Variants in CCT5 observed in about 807,000 individuals in gnomAD.
CCT5 encodes chaperonin containing TCP1 subunit 5, also known as T-complex protein 1 subunit epsilon.
In CCT5, 6 loss-of-function variants were observed where a neutral mutation model predicts 55.0. The observed-to-expected ratio is 0.11, with a 90% CI of 0.06 to 0.22. The LOEUF is 0.22. CCT5 is among the 10% of genes least tolerant of loss of function. CCT5 has a pLI of 1.00. For synonymous variants in CCT5, 231 were observed against 243.7 expected, an observed-to-expected ratio of 0.95 and a Z score of 0.49; for missense variants, 560 against 694.6, an observed-to-expected ratio of 0.81 and a Z score of 2.18.
intron 9 of CCT5, among the ~76,000 whole-genome samples, chr5:10,262,832 C>T (rs1354898452): frequency 1.3e-5 from 2 of 152,158 alleles, no homozygotes; most frequent in Non-Finnish European, 2.9e-5. Context: ...CCAGTTCGTC[C>T]TTGAAATAAT....
rs1745971441 is a variant in CCT5, at chr5:10,261,717, C to T, written c.1151C>T (p.Thr384Ile). 1.2e-6 allele frequency: 2 copies of T among 1,613,938 alleles called. No individual in the cohort carries two copies. Among genetic ancestry groups the T allele is most frequent in the Non-Finnish European group, 1.7e-6 (2 of 1,179,908 alleles). Residue 384 changes from threonine to isoleucine, a missense_variant, in exon 8 of 11, where the codon ACC becomes ATC. Thr to Ile is a moderately conservative substitution (Grantham distance 89, BLOSUM62 -1). Transcript: ENST00000280326. ...CAGTGTAAGAACTCCAGAGCTGTAA[C>T]CATTTTTATTAGAGGAGGAAATAAG... ...IEQCKNSRAV[T>I]IFIRGGNKMI...
Position 10,254,223 on chromosome 5 carries a change from C to T in CCT5, c.166+18C>T, listed in dbSNP as rs369064257. 21 of 1,534,802 alleles carry T rather than the reference C, an allele frequency of 1.4e-5. No individual in the cohort carries two copies. The highest frequency in any genetic ancestry group is 6.7e-5 in the East Asian group (3 of 44,478). On this transcript the variant is annotated intron_variant, in intron 2 of 10. Coordinates refer to ENST00000280326, the MANE Select transcript of CCT5 (RefSeq NM_012073.5). ...ACCAAATGGTAAGAGTCCACCATTC[C>T]GTGTTTTTTAGCAAAAGATTTAAAT...
intron 4 of CCT5, 169 bp from the exon 5 acceptor site, chr5:10,257,942 T>C (rs1745764167): frequency 1.4e-6 from 1 of 710,014 alleles, no homozygotes; most frequent in African/African-American, 1.8e-5. Flanking sequence ...GGATCACAGG[T>C]TAAGAATCTG....
intron 8 of CCT5, 140 bp from the exon 9 acceptor site, chr5:10,262,341 G>A: frequency 1.1e-6 from 1 of 942,734 alleles, no homozygotes; most frequent in Non-Finnish European, 1.7e-6. Context: ...AGGAAAGCTA[G>A]AAAGATAAAT....
intron 4 of CCT5, 88 bp downstream of exon 4, chr5:10,256,241 G>A (rs975726533): frequency 2.6e-6 from 3 of 1,137,938 alleles, no homozygotes; most frequent in Non-Finnish European, 3.9e-6. Context: ...ATGACCACTG[G>A]TGGATTTGTA....
intron 4 of CCT5, among the ~76,000 whole-genome samples, chr5:10,256,852 A>C (rs534971338): frequency 2.6e-5 from 4 of 152,174 alleles, no homozygotes; most frequent in African/African-American, 9.7e-5. Context: ...GAGAGTCTTG[A>C]AAGCGACTTG....
intron 6 of CCT5, among the ~76,000 whole-genome samples, chr5:10,260,237 C>T (rs1745892938): frequency 6.6e-6 from 1 of 152,142 alleles, no homozygotes; most frequent in Non-Finnish European, 1.5e-5. Flanking sequence ...GATCGTTGCC[C>T]TCCTAATTGG....
At position 10,266,291 on chromosome 5, in the gene CCT5, T is replaced by C. The variant is rs1489712410; in HGVS notation, c.*1508T>C. ...GAACCTCACAGACGTTCCTGTTTTT[T>C]GTGATTGAGAAACTGGTCAATGAAC... On this transcript the variant is annotated 3_prime_UTR_variant, in exon 11 of 11. Transcript: ENST00000280326. 1 of 152,234 alleles carries C rather than the reference T, an allele frequency of 6.6e-6. No homozygotes were observed. The highest frequency in any genetic ancestry group is 1.9e-4 in the East Asian group (1 of 5,200). 9.4% of individuals were successfully genotyped at this position (152,234 alleles called of 1,614,324 possible).
chr5:10,262,423 T>G, intron 8 of CCT5, 58 bp from the exon 9 acceptor site: 1 of 1,599,492 alleles, frequency 6.3e-7, no homozygotes, highest in Admixed American at 1.7e-5. Flanking sequence ...GCCAGATACT[T>G]GGCTCTAAAT....
Position 10,256,116 on chromosome 5 carries a change from C to A in CCT5, c.493C>A (p.Leu165Met), listed in dbSNP as rs535045917. ...VLVDIKDTEPLIQTAKTTLGS... is the reference protein window; with the variant it reads ...VLVDIKDTEPMIQTAKTTLGS... ...TGTTGACATAAAGGACACCGAACCC[C>A]TGATTCAGACAGCAAAAACCACGCT... is the stretch of plus-strand genomic sequence containing the variant. The change falls in exon 4 of 11, where the codon CTG (leucine) becomes ATG (methionine). Residue 165 changes from leucine (L) to methionine (M), a missense_variant. Leu to Met is a conservative substitution (Grantham distance 15). This residue lies in a region of CCT5 where 52 missense variants were observed against 35.3 expected (regional missense o/e 1.47). Coordinates refer to ENST00000280326, the MANE Select transcript of CCT5 (RefSeq NM_012073.5). 18 of 1,613,738 alleles carry A rather than the reference C, an allele frequency of 1.1e-5. No homozygotes were observed. Among genetic ancestry groups the A allele is most frequent in the Non-Finnish European group, 1.5e-5 (18 of 1,179,862 alleles).
intron 1 of CCT5, 128 bp downstream of exon 1, chr5:10,250,573 C>T (rs910437166): frequency 3.1e-5 from 46 of 1,505,502 alleles, no homozygotes; most frequent in African/African-American, 4.2e-5. Context: ...CTCCGTCTCC[C>T]TGCGGTCTCC....
At chr5:10,255,690 C>A (rs1436036274) in intron 3 of CCT5, among the ~76,000 whole-genome samples, 1 of 152,070 alleles carries the variant, frequency 6.6e-6, no homozygotes, top group Non-Finnish European at 1.5e-5. Context: ...GAAAAATGTT[C>A]TTTTTACATT....
rs1357470909 is a variant in CCT5 at position 10,262,583 on chromosome 5, T to A, written c.1282T>A (p.Ser428Thr). The A allele has an allele frequency of 6.2e-7, 1 of 1,614,260 alleles. No individual in the cohort carries two copies. The highest frequency in any genetic ancestry group is 8.5e-7 in the Non-Finnish European group (1 of 1,180,050). Residue 428 changes from serine to threonine, a missense_variant, in exon 9 of 11, where the codon TCC becomes ACC. This residue lies in a region of CCT5 where 256 missense variants were observed against 372.4 expected (regional missense o/e 0.69). Transcript: ENST00000280326. ...VVYGGGAAEI[S>T]CALAVSQEAD... is the part of the protein sequence containing the mutation. ...GTATGGAGGAGGGGCTGCTGAGATATCCTGTGCCCTGGCAGTTAGCCAAGA... is the reference window on the plus strand; with the variant it reads ...GTATGGAGGAGGGGCTGCTGAGATAACCTGTGCCCTGGCAGTTAGCCAAGA...
At chr5:10,254,265 T>C (rs1353851497) in intron 2 of CCT5, 60 bp downstream of exon 2, 9 of 1,175,472 alleles carry the variant, frequency 7.7e-6, no homozygotes, top group Non-Finnish European at 1.1e-5. Flanking sequence ...ACTGTCAATA[T>C]AAACCTCTCT....
intron 4 of CCT5, among the ~76,000 whole-genome samples, chr5:10,257,509 C>G (rs747371246): frequency 3.3e-5 from 5 of 152,178 alleles, no homozygotes; most frequent in African/African-American, 4.8e-5. Flanking sequence ...GACATTATTT[C>G]AAGTGCTAGG....
intron 7 of CCT5, among the ~76,000 whole-genome samples, 196 bp from the exon 8 acceptor site, chr5:10,261,364 A>C (rs115465999): frequency 6.6e-6 from 1 of 152,150 alleles, no homozygotes; most frequent in South Asian, 2.1e-4. Flanking sequence ...CAAAGCCCCA[A>C]TCAAGACGTC....
At chr5:10,254,546 T>A in intron 2 of CCT5, 128 bp from the exon 3 acceptor site, 1 of 820,950 alleles carries the variant, frequency 1.2e-6, no homozygotes, top group South Asian at 1.4e-5. Context: ...GCTACTATTT[T>A]GTGTATGTTG....
At chr5:10,257,986 A>G (rs1249971402) in intron 4 of CCT5, 125 bp from the exon 5 acceptor site, 2 of 994,638 alleles carry the variant, frequency 2.0e-6, no homozygotes, top group African/African-American at 3.2e-5. Flanking sequence ...TTGAGATGGC[A>G]TTCCCCTCTA....
At chr5:10,261,145 G>A (rs1161202354) in intron 7 of CCT5, 5 of 561,518 alleles carry the variant, frequency 8.9e-6, no homozygotes, top group Non-Finnish European at 1.6e-5. Context: ...TGTCTCACTT[G>A]GCCCTGTCGT....
Sources: allele counts gnomAD v4.1 joint callset (sites outside exome capture counted in the v4.1 genomes callset), GRCh38; gene constraint gnomAD v4.1.1; regional missense constraint gnomAD v4.1.1; transcripts MANE v1.5; gene names NCBI Gene and HGNC (gene_info 2026-07-23, HGNC 2026-07-21).